ANTXRL: variants seen among roughly 807,000 people sequenced by gnomAD.
ANTXRL encodes the protein ANTXR like, also known as anthrax toxin receptor-like.
Under a neutral mutation model 75.4 loss-of-function variants are expected in ANTXRL, and 63 were observed. The observed-to-expected ratio is 0.84, with a 90% CI of 0.68 to 1.03. The LOEUF is 1.03. Ranked by LOEUF, ANTXRL falls within the 50% of genes least tolerant of loss-of-function variation. The probability of loss-of-function intolerance (pLI) is 0.00; values close to 1 mark genes in which losing one functional copy is unlikely to be tolerated. For missense variants in ANTXRL, 797 were observed against 789.4 expected (o/e 1.01, Z -0.12); for synonymous variants, 335 against 291.3 (o/e 1.15, Z -1.53).
chr10:46,301,407 G>A (rs1837735333), intron 9 of ANTXRL, among the ~76,000 whole-genome samples: 1 of 152,226 alleles, frequency 6.6e-6, no homozygotes, highest in South Asian at 2.1e-4. Context: ...ACCAGGCCCA[G>A]GCTCTTCCAA....
At position 46,311,665 on chromosome 10, in the gene ANTXRL, G is replaced by A. The variant is rs782263453; in HGVS notation, c.1329G>A (p.Glu443=). 192 of 994,632 alleles carry A rather than the reference G, an allele frequency of 1.9e-4. 1 individual carries two copies. Among genetic ancestry groups the A allele is most frequent in the Non-Finnish European group, 2.7e-4 (175 of 652,496 alleles). 61.6% of individuals were successfully genotyped at this position (994,632 alleles called of 1,614,324 possible). A position where few individuals can be genotyped will look rare whatever the true frequency, so the allele number is the denominator to read the frequency against. The change falls in exon 15 of 17, where the codon GAG becomes GAA. Residue 443 remains glutamate (E), a splice_region_variant and synonymous_variant. Transcript: ENST00000620264. ...CQGVGGMRRI[E]GNLDTFCDLS... is the part of the protein sequence containing the mutation. Reference sequence around the variant, plus strand: ...GAGTGGGCGGGATGAGAAGGATAGAGGTGAGAAGGGCACAGTGGAGAGGGG... The same window carrying A: ...GAGTGGGCGGGATGAGAAGGATAGAAGTGAGAAGGGCACAGTGGAGAGGGG...
intron 9 of ANTXRL, among the ~76,000 whole-genome samples, chr10:46,301,204 C>A (rs536251100): frequency 6.6e-6 from 1 of 152,234 alleles, no homozygotes; most frequent in African/African-American, 2.4e-5. Context: ...AGCCTAGTGT[C>A]TGGCTGGCCA....
At chr10:46,294,239 G>A in intron 3 of ANTXRL, 1 of 351,836 alleles carries the variant, frequency 2.8e-6, no homozygotes, top group South Asian at 2.8e-5. Flanking sequence ...TGTGTGTCCT[G>A]TGAACACACA....
chr10:46,329,211 G>A (rs567738667), intron 16 of ANTXRL, among the ~76,000 whole-genome samples: 1 of 152,302 alleles, frequency 6.6e-6, no homozygotes, highest in African/African-American at 2.4e-5. Context: ...GGTCCCTGGA[G>A]CCAGCCTTGA....
chr10:46,310,466 C>G lies in ANTXRL; in HGVS notation c.1140C>G (p.Val380=), dbSNP rs1449734941. The G allele has an allele frequency of 4.6e-6, 7 of 1,536,244 alleles. No individual in the cohort carries two copies. The African/African-American group carries it at 8.2e-5, about 18-fold the overall frequency. Residue 380 remains valine (V), a synonymous_variant, in exon 14 of 17, where the codon GTC becomes GTG. Coordinates refer to ENST00000620264, the MANE Select transcript of ANTXRL (RefSeq NM_001278688.3). ...GTCTCTTTTGAACATTCTAGACTGT[C>G]AAGGAGCCACCACCTGTGCAGAAGC... The part of the protein sequence containing the change: ...CVWRLCRKQT[V]KEPPPVQKPE...
At position 46,329,646 on chromosome 10, in the gene ANTXRL, T is replaced by G; in HGVS notation, c.1458T>G (p.Ala486=). The G allele has an allele frequency of 6.5e-7, 1 of 1,536,414 alleles. No individual in the cohort carries two copies. Among genetic ancestry groups the G allele is most frequent in the Non-Finnish European group, 8.7e-7 (1 of 1,146,828 alleles). ...TTGCACAGTCCCAATATGCACAGGC[T>G]CCCTGCTGCCCAAGGATCTGCTTTC... ...LALAQSQYAQ[A]PCCPRICFPH... The change falls in exon 17 of 17, where the codon GCT becomes GCG. Residue 486 remains alanine, a synonymous_variant. Coordinates refer to ENST00000620264, the MANE Select transcript of ANTXRL (RefSeq NM_001278688.3).
chr10:46,329,922 A>G lies in ANTXRL; in HGVS notation c.1734A>G (p.Gln578=). ...TGTGCAACCCAAAGAGCTGCCTTCA[A>G]CCCAGCCGGGAGTGCCTCCCCCTCA... ...QTLCNPKSCL[Q]PSRECLPLTC... is the part of the protein sequence containing the mutation. The change falls in exon 17 of 17, where the codon CAA becomes CAG. Residue 578 remains glutamine (Q), a synonymous_variant. Transcript: ENST00000620264. The G allele has an allele frequency of 1.3e-6, 2 of 1,535,812 alleles. No individual in the cohort carries two copies. Among genetic ancestry groups the G allele is most frequent in the Non-Finnish European group, 1.7e-6 (2 of 1,146,728 alleles).
intron 9 of ANTXRL, among the ~76,000 whole-genome samples, chr10:46,300,692 G>A (rs1837673345): frequency 6.6e-6 from 1 of 152,122 alleles, no homozygotes; most frequent in Non-Finnish European, 1.5e-5. Context: ...TGTTCAAAGG[G>A]CACCTCATCC....
At position 46,306,827 on chromosome 10, in the gene ANTXRL, A is replaced by G. The variant is rs1481732871; in HGVS notation, c.920A>G (p.Asn307Ser). The change falls in exon 11 of 17, where the codon AAT (asparagine) becomes AGT (serine). Residue 307 changes from asparagine to serine, a missense_variant. Asn to Ser is a conservative substitution (Grantham distance 46). This residue lies in a region of ANTXRL where 479 missense variants were observed against 422.0 expected (regional missense o/e 1.14). Transcript: ENST00000620264. ...IIDEKPTSIDNNSMNCPGPKL... is the reference protein window; with the variant it reads ...IIDEKPTSIDSNSMNCPGPKL... ...GATGAAAAGCCAACCAGTATCGACA[A>G]TAATTCCATGAATTGCCCTGGGCCA... is the stretch of plus-strand genomic sequence containing the variant. 5 of 1,529,542 alleles carry G rather than the reference A, an allele frequency of 3.3e-6. No homozygotes were observed. In the Admixed American group the frequency reaches 6.0e-5, roughly 18 times the overall value. 94.7% of individuals were successfully genotyped at this position (1,529,542 alleles called of 1,614,324 possible).
chr10:46,301,664 T>C (rs1249394890), intron 9 of ANTXRL, among the ~76,000 whole-genome samples: 3 of 152,206 alleles, frequency 2.0e-5, no homozygotes, highest in Non-Finnish European at 4.4e-5. Context: ...GAAATCTAGA[T>C]ATTTGTGGTT....
intron 16 of ANTXRL, among the ~76,000 whole-genome samples, chr10:46,323,138 T>A (rs1839057367): frequency 6.6e-6 from 1 of 152,162 alleles, no homozygotes; most frequent in South Asian, 2.1e-4. Flanking sequence ...TGTCCTTAGC[T>A]ATAGGACAGA....
chr10:46,300,758 T>A (rs1192065292), intron 9 of ANTXRL, among the ~76,000 whole-genome samples: 4 of 152,176 alleles, frequency 2.6e-5, no homozygotes, highest in Admixed American at 2.0e-4. Flanking sequence ...AAGGGCTTGG[T>A]CTGTCCCTCT....
chr10:46,318,965 C>T (rs7902333), intron 16 of ANTXRL, among the ~76,000 whole-genome samples: 7,380 of 152,094 alleles, frequency 0.049, 609 homozygotes, highest in African/African-American at 0.17. Flanking sequence ...ACAGTAACAG[C>T]TGAATTGGCA....
chr10:46,297,444 C>A lies in ANTXRL; in HGVS notation c.624C>A (p.Thr208=). The A allele has an allele frequency of 1.3e-6, 2 of 1,535,830 alleles. No individual in the cohort carries two copies. The highest frequency in any genetic ancestry group is 1.2e-5 in the South Asian group (1 of 84,050). ...GGAAACTGGGGGCCAACGTTTACAC[C>A]CTGGGTGTGGCTGATTATAATCTGG... The part of the protein sequence containing the change: ...KARKLGANVY[T]LGVADYNLDQ... The change falls in exon 7 of 17, where the codon ACC becomes ACA. Residue 208 remains threonine (T), a synonymous_variant. Transcript: ENST00000620264.
intron 7 of ANTXRL, 113 bp downstream of exon 7, chr10:46,297,587 C>A: frequency 9.1e-7 from 1 of 1,094,638 alleles, no homozygotes; most frequent in Non-Finnish European, 1.3e-6. Flanking sequence ...GTGAGTTGGG[C>A]CAACTCATGG....
intron 16 of ANTXRL, among the ~76,000 whole-genome samples, chr10:46,326,088 C>G (rs1350782818): frequency 1.4e-5 from 2 of 143,684 alleles, no homozygotes; most frequent in African/African-American, 2.6e-5. Flanking sequence ...TGTAAGGCAT[C>G]TGGGTTTTTT....
intron 2 of ANTXRL, among the ~76,000 whole-genome samples, chr10:46,293,337 C>A (rs561011397): frequency 8.5e-6 from 1 of 117,966 alleles, no homozygotes; most frequent in Non-Finnish European, 1.7e-5. Context: ...TGAGTGTGTG[C>A]GTGTGTGCGT....
intron 10 of ANTXRL, among the ~76,000 whole-genome samples, chr10:46,304,745 CA>C (rs782510315): frequency 3.5e-4 from 53 of 152,124 alleles, no homozygotes; most frequent in Non-Finnish European, 5.4e-4. Context: ...AGAGCCTGCC[CA>C]GGGCCATACA....
chr10:46,313,729 A>G (rs782534303), intron 16 of ANTXRL, among the ~76,000 whole-genome samples: 1 of 152,210 alleles, frequency 6.6e-6, no homozygotes, highest in Non-Finnish European at 1.5e-5. Flanking sequence ...CAGTCCTCCC[A>G]TGGGCCATTT....
Sources: allele counts gnomAD v4.1 joint callset (sites outside exome capture counted in the v4.1 genomes callset), GRCh38; gene constraint gnomAD v4.1.1; regional missense constraint gnomAD v4.1.1; transcripts MANE v1.5; gene names NCBI Gene and HGNC (gene_info 2026-07-23, HGNC 2026-07-21).